Variants in NRG1 observed in about 807,000 individuals in gnomAD.
The protein encoded by NRG1 is pro-neuregulin-1, membrane-bound isoform.
Under a neutral mutation model 63.8 loss-of-function variants are expected in NRG1, and 18 were observed. The observed-to-expected ratio is 0.28, with a 90% CI of 0.19 to 0.42. NRG1 has a LOEUF of 0.42. Ranked by LOEUF, NRG1 falls within the 10% of genes least tolerant of loss-of-function variation. The pLI is 1.00. For synonymous variants in NRG1, 302 were observed against 301.3 expected (o/e 1.00, Z -0.02); for missense variants, 762 against 814.7 (o/e 0.94, Z 0.79).
intron 8 of NRG1, among the ~76,000 whole-genome samples, chr8:32,755,039 T>C (rs1829430422): frequency 6.6e-6 from 1 of 152,156 alleles, no homozygotes; most frequent in African/African-American, 2.4e-5. Context: ...TTATTATTAT[T>C]TTTAAATTCT....
intron 5 of NRG1, among the ~76,000 whole-genome samples, chr8:32,710,265 T>C (rs1164927337): frequency 1.3e-5 from 2 of 152,180 alleles, no homozygotes; most frequent in Non-Finnish European, 2.9e-5. Flanking sequence ...GGAGATAATT[T>C]TTTTATTTTA....
chr8:32,327,469 T>C (rs2129477317), intron 1 of NRG1, among the ~76,000 whole-genome samples: 1 of 152,306 alleles, frequency 6.6e-6, no homozygotes, highest in Admixed American at 6.5e-5. Flanking sequence ...TAAAACTAGC[T>C]TCAATATTGG....
chr8:32,725,265 T>C (rs1821792612), intron 5 of NRG1, among the ~76,000 whole-genome samples: 1 of 152,106 alleles, frequency 6.6e-6, no homozygotes, highest in East Asian at 1.9e-4. Flanking sequence ...CTGTCAGAGA[T>C]GCAAAGGCCA....
intron 1 of NRG1, among the ~76,000 whole-genome samples, chr8:32,511,384 T>TATATATATA (rs1482625939): frequency 6.9e-6 from 1 of 144,870 alleles, no homozygotes; most frequent in African/African-American, 2.5e-5. Flanking sequence ...TATATATATA[T>TATATATATA]ATATATATAT....
intron 1 of NRG1, among the ~76,000 whole-genome samples, chr8:32,091,369 C>T (rs977426477): frequency 6.6e-6 from 1 of 151,760 alleles, no homozygotes; most frequent in African/African-American, 2.4e-5. Context: ...ATGACATTTA[C>T]AATGATCATG....
intron 1 of NRG1, among the ~76,000 whole-genome samples, chr8:32,335,071 T>C (rs918958825): frequency 9.2e-5 from 14 of 152,272 alleles, no homozygotes; most frequent in Middle Eastern, 3.4e-3. Flanking sequence ...TATAGTGGTA[T>C]ATATATAATT....
At chr8:32,069,964 C>A (rs113810178) in intron 1 of NRG1, among the ~76,000 whole-genome samples, 2 of 152,126 alleles carry the variant, frequency 1.3e-5, no homozygotes, top group Non-Finnish European at 2.9e-5. Flanking sequence ...AGTTCATCCT[C>A]GGTAGAGAGT....
chr8:31,872,049 T>G (rs939913999), intron 1 of NRG1, among the ~76,000 whole-genome samples: 3 of 152,210 alleles, frequency 2.0e-5, no homozygotes, highest in Admixed American at 1.3e-4. Flanking sequence ...TCCCTTGACT[T>G]TGATTGAAGC....
chr8:31,709,446 G>T (rs2131243119), intron 1 of NRG1, among the ~76,000 whole-genome samples: 1 of 151,942 alleles, frequency 6.6e-6, no homozygotes, highest in Middle Eastern at 3.4e-3. Context: ...ATAAAGTTTT[G>T]ATATTAGTGT....
chr8:32,116,971 C>CAAAA (rs756283492), intron 1 of NRG1, among the ~76,000 whole-genome samples: 65 of 31,320 alleles, frequency 2.1e-3, no homozygotes, highest in South Asian at 3.9e-3. Context: ...CCTGTCTCTA[C>CAAAA]AAAAAAAAAA....
intron 1 of NRG1, among the ~76,000 whole-genome samples, chr8:32,447,275 G>A (rs59177761): frequency 0.068 from 10,371 of 151,732 alleles, 1,283 homozygotes; most frequent in East Asian, 0.63. Context: ...CACCTGCATC[G>A]GCCTCCCAAA....
At chr8:32,447,617 C>T (rs567378565) in intron 1 of NRG1, among the ~76,000 whole-genome samples, 1 of 152,126 alleles carries the variant, frequency 6.6e-6, no homozygotes, top group African/African-American at 2.4e-5. Flanking sequence ...ACCTCTAATC[C>T]CAGCACTTTG....
In NRG1 at chr8:32,296,580, C is replaced by T. The variant is rs913430460; in HGVS notation, c.38-299248C>T. 3.4e-5 allele frequency among the ~76,000 whole-genome samples: 5 copies of T among 147,668 alleles called. No homozygotes were observed. In the South Asian group the frequency reaches 8.5e-4, roughly 25 times the overall value. ...AATGAGCCAAGATCCTGTGCCATGG[C>T]ACTCCAGCCTGGGCGACAAGAGTGA... is the stretch of plus-strand genomic sequence containing the variant. On this transcript the variant is annotated intron_variant, in intron 1 of 10. Coordinates refer to the NRG1 transcript ENST00000519301.
chr8:32,072,854 C>T (rs563332956), intron 1 of NRG1, among the ~76,000 whole-genome samples: 19 of 152,264 alleles, frequency 1.2e-4, no homozygotes, highest in African/African-American at 4.3e-4. Flanking sequence ...TCTACCCCCT[C>T]CACTTTTGAG....
intron 5 of NRG1, among the ~76,000 whole-genome samples, chr8:32,712,417 A>G (rs1818060462): frequency 6.6e-6 from 1 of 152,180 alleles, no homozygotes; most frequent in South Asian, 2.1e-4. Context: ...AGTAAGGAGC[A>G]AGTGAAAAGT....
chr8:32,132,566 T>C (rs968361143), intron 1 of NRG1, among the ~76,000 whole-genome samples: 1 of 149,052 alleles, frequency 6.7e-6, no homozygotes, highest in African/African-American at 2.4e-5. Context: ...AATATTTAGC[T>C]TGGCTTTTTC....
chr8:32,391,962 T>A (rs975538574), intron 1 of NRG1, among the ~76,000 whole-genome samples: 6 of 152,290 alleles, frequency 3.9e-5, no homozygotes, highest in African/African-American at 1.4e-4. Context: ...GATTCACAGA[T>A]CCTTAGGAAA....
chr8:31,885,887 AC>A (rs1234713820), intron 1 of NRG1, among the ~76,000 whole-genome samples: 1 of 152,092 alleles, frequency 6.6e-6, no homozygotes, highest in Admixed American at 6.6e-5. Context: ...TATTAATATT[AC>A]GGAGAAAGTC....
In NRG1 at chr8:32,294,624, G is replaced by T. The variant is rs184363094; in HGVS notation, c.38-301204G>T. On this transcript the variant is annotated intron_variant, in intron 1 of 10. Coordinates refer to the NRG1 transcript ENST00000519301. ...CATCATTATCCACTCATAATTAGTT[G>T]TTTAATCTGAAAAGAGCAAGTTCTG... Among the ~76,000 whole-genome samples, 5 of 152,268 alleles carry T rather than the reference G, an allele frequency of 3.3e-5. No homozygotes were observed. In the East Asian group the frequency reaches 9.7e-4, roughly 29 times the overall value.
Sources: allele counts gnomAD v4.1 joint callset (sites outside exome capture counted in the v4.1 genomes callset), GRCh38; gene constraint gnomAD v4.1.1; transcripts MANE v1.5; gene names NCBI Gene and HGNC (gene_info 2026-07-23, HGNC 2026-07-21).